Variants in NPSR1 observed in about 807,000 individuals in gnomAD.
NPSR1 encodes the protein neuropeptide S receptor 1.
Under a neutral mutation model 46.9 loss-of-function variants are expected in NPSR1, and 48 were observed. The observed-to-expected ratio is 1.02, with a 90% CI of 0.81 to 1.30. NPSR1 has a LOEUF of 1.30. Ranked by LOEUF, NPSR1 falls within the 50% of genes most tolerant of loss-of-function variation. The pLI is 0.00. For synonymous variants in NPSR1, 176 were observed against 168.1 expected (o/e 1.05, Z -0.36); for missense variants, 450 against 449.5 (o/e 1.00, Z -0.01).
chr7:34,855,038 C>T (rs1478205944), intron 8 of NPSR1, among the ~76,000 whole-genome samples: 4 of 151,840 alleles, frequency 2.6e-5, no homozygotes, highest in Admixed American at 6.6e-5. Context: ...TTCCGAACAA[C>T]TTATTGCCAA....
At chr7:34,786,349 A>C (rs1411924440) in intron 3 of NPSR1, among the ~76,000 whole-genome samples, 2 of 152,140 alleles carry the variant, frequency 1.3e-5, no homozygotes, top group Admixed American at 6.6e-5. Flanking sequence ...ATTCAGTCAC[A>C]TGTACACACT....
At chr7:34,762,292 T>TA (rs1419081796) in intron 2 of NPSR1, among the ~76,000 whole-genome samples, 2 of 152,180 alleles carry the variant, frequency 1.3e-5, no homozygotes, top group African/African-American at 4.8e-5. Flanking sequence ...CCAGGATTAA[T>TA]AAAGAGCCGG....
At chr7:34,860,092 T>G (rs2128767685) in intron 8 of NPSR1, among the ~76,000 whole-genome samples, 1 of 151,898 alleles carries the variant, frequency 6.6e-6, no homozygotes, top group South Asian at 2.1e-4. Flanking sequence ...TTTTTTCACA[T>G]AAAGATGGAC....
chr7:34,713,668 C>A (rs1783413514), intron 2 of NPSR1, among the ~76,000 whole-genome samples: 1 of 152,142 alleles, frequency 6.6e-6, no homozygotes, highest in African/African-American at 2.4e-5. Context: ...GAAGTCAATG[C>A]TCCAACTCTA....
At chr7:34,701,507 T>C (rs182461696) in intron 2 of NPSR1, among the ~76,000 whole-genome samples, 1 of 152,178 alleles carries the variant, frequency 6.6e-6, no homozygotes, top group Non-Finnish European at 1.5e-5. Context: ...AAATCTCTTT[T>C]AGGAGTATTC....
intron 2 of NPSR1, among the ~76,000 whole-genome samples, chr7:34,764,999 G>C (rs1786363707): frequency 6.6e-6 from 1 of 152,142 alleles, no homozygotes; most frequent in Non-Finnish European, 1.5e-5. Context: ...GCTGAAAGCA[G>C]AGAGTGGGGC....
In NPSR1 at chr7:34,658,298, GCT is replaced by G. The variant is rs910255752; in HGVS notation, c.-112_-111del. 52 of 1,157,772 alleles carry G rather than the reference GCT, an allele frequency of 4.5e-5. No individual in the cohort carries two copies. The highest frequency in any genetic ancestry group is 6.2e-5 in the Non-Finnish European group (50 of 806,214). 71.7% of individuals were successfully genotyped at this position (1,157,772 alleles called of 1,614,324 possible). ...CTTCAGTGAGGTGGGCTCAGGGAGGGCTCTGTGCCTCCGTTCAGCAGAGCTGC... is the reference window on the plus strand; with the variant it reads ...CTTCAGTGAGGTGGGCTCAGGGAGGGCTGTGCCTCCGTTCAGCAGAGCTGC... On this transcript the variant is annotated 5_prime_UTR_variant, in exon 1 of 9. Transcript: ENST00000360581.
At chr7:34,721,354 C>G (rs1178749890) in intron 2 of NPSR1, among the ~76,000 whole-genome samples, 1 of 152,078 alleles carries the variant, frequency 6.6e-6, no homozygotes, top group Non-Finnish European at 1.5e-5. Flanking sequence ...GGAAAAGAAG[C>G]AGAATCAAAC....
chr7:34,688,744 T>G lies in NPSR1; in HGVS notation c.280+4060T>G, dbSNP rs537810886. The stretch of plus-strand genomic sequence containing the variant: ...TCAGGAGCTTGAGCTACTCCTACAT[T>G]CCCCAGGAAAACTTTGTGGCAGTAG... On this transcript the variant is annotated intron_variant, in intron 2 of 8. Coordinates refer to ENST00000360581, the MANE Select transcript of NPSR1 (RefSeq NM_207172.2). 1.4e-4 allele frequency among the ~76,000 whole-genome samples: 22 copies of G among 152,190 alleles called. No homozygotes were observed. In the South Asian group the frequency reaches 4.6e-3, roughly 32 times the overall value.
intron 2 of NPSR1, among the ~76,000 whole-genome samples, chr7:34,689,716 G>C (rs1214934199): frequency 2.0e-5 from 3 of 151,580 alleles, no homozygotes; most frequent in Non-Finnish European, 1.5e-5. Context: ...GCTAAGGCCG[G>C]CAAATCACTT....
At chr7:34,727,217 A>T (rs894785050) in intron 2 of NPSR1, among the ~76,000 whole-genome samples, 1 of 152,096 alleles carries the variant, frequency 6.6e-6, no homozygotes, top group Non-Finnish European at 1.5e-5. Flanking sequence ...ATATTTGCCA[A>T]TTATATTTTA....
At chr7:34,757,275 G>T (rs1242103112) in intron 2 of NPSR1, among the ~76,000 whole-genome samples, 2 of 152,026 alleles carry the variant, frequency 1.3e-5, no homozygotes, top group Admixed American at 1.3e-4. Context: ...CTGTTAGGTT[G>T]GTGCAAAAGT....
intron 2 of NPSR1, among the ~76,000 whole-genome samples, chr7:34,701,027 G>T (rs538349076): frequency 5.1e-4 from 78 of 152,220 alleles, no homozygotes; most frequent in African/African-American, 1.7e-3. Context: ...TCCTTGTTTT[G>T]CTCTTTTATT....
At chr7:34,809,665 G>A (rs1002492138) in intron 3 of NPSR1, among the ~76,000 whole-genome samples, 5 of 151,934 alleles carry the variant, frequency 3.3e-5, no homozygotes, top group Admixed American at 1.3e-4. Flanking sequence ...GGGTTTCACC[G>A]TTTTAGCCGG....
At chr7:34,781,409 G>T in intron 3 of NPSR1, among the ~76,000 whole-genome samples, 2 of 152,172 alleles carry the variant, frequency 1.3e-5, no homozygotes, top group Middle Eastern at 6.8e-3. Flanking sequence ...CAGCAACATC[G>T]TGAAGGAAAA....
At chr7:34,748,770 TC>T (rs1402654523) in intron 2 of NPSR1, among the ~76,000 whole-genome samples, 7 of 151,954 alleles carry the variant, frequency 4.6e-5, no homozygotes, top group Non-Finnish European at 8.8e-5. Flanking sequence ...GGGGGAAATA[TC>T]CTGCCTGGGA....
intron 1 of NPSR1, among the ~76,000 whole-genome samples, chr7:34,671,645 C>T (rs139089326): frequency 7.9e-5 from 12 of 152,294 alleles, no homozygotes; most frequent in Non-Finnish European, 1.3e-4. Flanking sequence ...TACCCAACCA[C>T]CCAACTTAGA....
chr7:34,661,586 C>T (rs1222152505), intron 1 of NPSR1, among the ~76,000 whole-genome samples: 1 of 152,186 alleles, frequency 6.6e-6, no homozygotes, highest in Non-Finnish European at 1.5e-5. Context: ...CCTCCCACCT[C>T]CACCCTTGAA....
intron 3 of NPSR1, among the ~76,000 whole-genome samples, chr7:34,790,864 ATATGT>A (rs1293355892): frequency 2.3e-5 from 3 of 130,474 alleles, no homozygotes; most frequent in Non-Finnish European, 4.7e-5. Context: ...GTTATGTTAT[ATATGT>A]TATATGTTAT....
Sources: gnomAD v4.1 joint callset for allele counts (sites outside exome capture counted in the v4.1 genomes callset) on GRCh38, gnomAD v4.1.1 for gene constraint, MANE v1.5 for transcripts, NCBI Gene and HGNC (gene_info 2026-07-23, HGNC 2026-07-21) for gene names.